TMEM170A: variants seen among roughly 807,000 people sequenced by gnomAD.
TMEM170A encodes the protein transmembrane protein 170.
In TMEM170A, 18 loss-of-function variants were observed where a neutral mutation model predicts 12.8. That is an observed-to-expected ratio of 1.41 (90% CI 0.97 to 2.09). TMEM170A has a LOEUF of 2.09. TMEM170A is among the 30% of genes most tolerant of loss of function. The pLI is 0.00. For synonymous variants in TMEM170A, 107 were observed against 76.2 expected, an observed-to-expected ratio of 1.40 and a Z score of -2.11; for missense variants, 220 against 179.9, an observed-to-expected ratio of 1.22 and a Z score of -1.28.
chr16:75,448,009 C>G (rs952031473), intron 2 of TMEM170A, among the ~76,000 whole-genome samples: 5 of 152,162 alleles, frequency 3.3e-5, no homozygotes, highest in Non-Finnish European at 7.3e-5. Flanking sequence ...AGATTATGAA[C>G]TCAAAAATAT....
intron 1 of TMEM170A, among the ~76,000 whole-genome samples, chr16:75,459,194 T>C (rs11866317): frequency 0.016 from 2,481 of 152,234 alleles, 67 homozygotes; most frequent in African/African-American, 0.056. Context: ...GTGCCCAGCC[T>C]AGACAGACAT....
In TMEM170A at chr16:75,451,328, T is replaced by C. The variant is rs866448131; in HGVS notation, c.304+341A>G. 3.9e-4 allele frequency: 144 copies of C among 373,026 alleles called. No individual in the cohort carries two copies. In the Middle Eastern group the frequency reaches 8.4e-3, roughly 22 times the overall value. The allele number at this position is 373,026 out of a possible 1,614,324, so 23.1% of individuals were successfully genotyped here. Reference sequence around the variant, plus strand: ...ATTTTGGGAGGCCAAGGTGGGCAGATTGCTTGAGCTCAGGAGTTCGAGACC... The same window carrying C: ...ATTTTGGGAGGCCAAGGTGGGCAGACTGCTTGAGCTCAGGAGTTCGAGACC... On this transcript the variant is annotated intron_variant, in intron 2 of 2. Coordinates refer to ENST00000561878, the MANE Select transcript of TMEM170A (RefSeq NM_145254.3).
chr16:75,452,462 T>TA (rs2079707043), intron 1 of TMEM170A, among the ~76,000 whole-genome samples: 1 of 152,104 alleles, frequency 6.6e-6, no homozygotes, highest in Admixed American at 6.6e-5. Flanking sequence ...TTTCTTTTTT[T>TA]ATGAGACAGG....
At chr16:75,449,061 C>G (rs931454293) in intron 2 of TMEM170A, among the ~76,000 whole-genome samples, 5 of 151,470 alleles carry the variant, frequency 3.3e-5, no homozygotes, top group Admixed American at 2.6e-4. Context: ...ACCCTGTTCT[C>G]AAATAAAAAT....
chr16:75,452,580 G>C (rs757400439), intron 1 of TMEM170A: 4 of 152,192 alleles, frequency 2.6e-5, no homozygotes, highest in African/African-American at 9.7e-5. Context: ...CAAAGTGCTA[G>C]GATAACAGGC....
At chr16:75,451,468 G>A in intron 2 of TMEM170A, 3 of 617,620 alleles carry the variant, frequency 4.9e-6, no homozygotes, top group Non-Finnish European at 8.6e-6. Context: ...AGGATTACTT[G>A]AGCCCAAGAG....
chr16:75,453,630 A>AT (rs2079728329), intron 1 of TMEM170A, among the ~76,000 whole-genome samples: 1 of 152,222 alleles, frequency 6.6e-6, no homozygotes, highest in Non-Finnish European at 1.5e-5. Context: ...AATGCAGTAA[A>AT]TATCAAGCCA....
rs865774980 is a variant in TMEM170A at position 75,445,076 on chromosome 16, G to A, written c.*2482C>T. On this transcript the variant is annotated 3_prime_UTR_variant, in exon 3 of 3. Coordinates refer to ENST00000561878, the MANE Select transcript of TMEM170A (RefSeq NM_145254.3). ...AGAGGCATCCTTCAGTAGAGATGAT[G>A]GCAATCATTTCCCATAAGAAAAGTT... is the stretch of plus-strand genomic sequence containing the variant. The A allele has an allele frequency of 2.6e-5, 4 of 152,122 alleles. No individual in the cohort carries two copies. Among genetic ancestry groups the A allele is most frequent in the Non-Finnish European group, 1.5e-5 (1 of 68,030 alleles). 9.4% of individuals were successfully genotyped at this position (152,122 alleles called of 1,614,324 possible). A position where few individuals can be genotyped will look rare whatever the true frequency, so the allele number is the denominator to read the frequency against.
intron 1 of TMEM170A, among the ~76,000 whole-genome samples, chr16:75,459,530 A>C (rs2079863149): frequency 6.6e-6 from 1 of 152,202 alleles, no homozygotes; most frequent in South Asian, 2.1e-4. Context: ...GGTTCTAAGC[A>C]GACCACATGA....
chr16:75,459,526 A>G (rs1377037728), intron 1 of TMEM170A, among the ~76,000 whole-genome samples: 2 of 152,162 alleles, frequency 1.3e-5, no homozygotes. Flanking sequence ...CTGGGGTTCT[A>G]AGCAGACCAC....
rs572302668 is a variant in TMEM170A at position 75,453,338 on chromosome 16, G to A, written c.134-1499C>T. On this transcript the variant is annotated intron_variant, in intron 1 of 2. Transcript: ENST00000561878. The stretch of plus-strand genomic sequence containing the variant: ...AGTCCTAGCTACTCGAGAGGCTGAG[G>A]TGGGAGGATTGCTTGAGCCTGGGAG... Among the ~76,000 whole-genome samples the A allele has an allele frequency of 2.6e-5, 4 of 152,300 alleles. No individual in the cohort carries two copies. In the South Asian group the frequency reaches 6.2e-4, roughly 24 times the overall value.
In TMEM170A at chr16:75,447,357, T is replaced by C. The variant is rs2079605276; in HGVS notation, c.*201A>G. 1 of 443,006 alleles carries C rather than the reference T, an allele frequency of 2.3e-6. No homozygotes were observed. Among genetic ancestry groups the C allele is most frequent in the Non-Finnish European group, 3.7e-6 (1 of 271,706 alleles). 27.4% of individuals were successfully genotyped at this position (443,006 alleles called of 1,614,324 possible). ...AAGAAAGCCAAAAGACTTGTTTTGG[T>C]TGAGAACAATAGGAGTCCACATAAG... On this transcript the variant is annotated 3_prime_UTR_variant, in exon 3 of 3. Coordinates refer to ENST00000561878, the MANE Select transcript of TMEM170A (RefSeq NM_145254.3).
At position 75,445,026 on chromosome 16, in the gene TMEM170A, C is replaced by A. The variant is rs1448050138; in HGVS notation, c.*2532G>T. The A allele has an allele frequency of 2.0e-5, 3 of 152,182 alleles. No homozygotes were observed. The highest frequency in any genetic ancestry group is 4.4e-5 in the Non-Finnish European group (3 of 68,020). 9.4% of individuals were successfully genotyped at this position (152,182 alleles called of 1,614,324 possible). On this transcript the variant is annotated 3_prime_UTR_variant, in exon 3 of 3. Transcript: ENST00000561878. The stretch of plus-strand genomic sequence containing the variant: ...ATCCAAAGAATGCTTTAGGCAAGAA[C>A]TCCTTCAAAAGACATTTTTCAGTAA...
chr16:75,456,194 T>G (rs893258595), intron 1 of TMEM170A, among the ~76,000 whole-genome samples: 1 of 152,018 alleles, frequency 6.6e-6, no homozygotes, highest in East Asian at 1.9e-4. Flanking sequence ...TCAGAGCATA[T>G]TCTGAACACT....
chr16:75,447,496 A>G lies in TMEM170A; in HGVS notation c.*62T>C. 1 of 1,549,570 alleles carries G rather than the reference A, an allele frequency of 6.5e-7. No homozygotes were observed. The highest frequency in any genetic ancestry group is 2.3e-5 in the East Asian group (1 of 43,338). On this transcript the variant is annotated 3_prime_UTR_variant, in exon 3 of 3. Transcript: ENST00000561878. ...GAACTAAGAAAACACTACACTCCAT[A>G]ATGTATTCTTTTGGAGGATTCCATA... is the stretch of plus-strand genomic sequence containing the variant.
intron 1 of TMEM170A, among the ~76,000 whole-genome samples, chr16:75,452,163 G>C (rs1301502648): frequency 6.6e-6 from 1 of 151,958 alleles, no homozygotes; most frequent in African/African-American, 2.4e-5. Context: ...AGTAGAGACG[G>C]GGTTTCACCA....
At chr16:75,455,048 A>G (rs1350465829) in intron 1 of TMEM170A, among the ~76,000 whole-genome samples, 1 of 152,208 alleles carries the variant, frequency 6.6e-6, no homozygotes, top group Admixed American at 6.5e-5. Flanking sequence ...GTAATACTAC[A>G]AAGTCCCATT....
chr16:75,457,421 T>G (rs182612923), intron 1 of TMEM170A, among the ~76,000 whole-genome samples: 11 of 152,260 alleles, frequency 7.2e-5, no homozygotes, highest in African/African-American at 2.6e-4. Context: ...GAGGAAGAGA[T>G]TCTCAATCTC....
chr16:75,461,055 T>C (rs934615773), intron 1 of TMEM170A, among the ~76,000 whole-genome samples: 2 of 152,178 alleles, frequency 1.3e-5, no homozygotes, highest in East Asian at 3.8e-4. Flanking sequence ...CATTTACTTA[T>C]ACTCATTTAT....
Sources: gnomAD v4.1 joint callset for allele counts (sites outside exome capture counted in the v4.1 genomes callset) on GRCh38, gnomAD v4.1.1 for gene constraint, MANE v1.5 for transcripts, NCBI Gene and HGNC (gene_info 2026-07-23, HGNC 2026-07-21) for gene names.